Variants in SLC22A24 observed in about 807,000 individuals in gnomAD.
The protein encoded by SLC22A24 is steroid transmembrane transporter SLC22A24.
In SLC22A24, 53 loss-of-function variants were observed where a neutral mutation model predicts 49.8. That is an observed-to-expected ratio of 1.06 (90% CI 0.85 to 1.34). The LOEUF is 1.34. SLC22A24 is among the 40% of genes most tolerant of loss of function. The pLI is 0.00. For synonymous variants in SLC22A24, 302 were observed against 256.4 expected, an observed-to-expected ratio of 1.18 and a Z score of -1.70; for missense variants, 786 against 675.9, an observed-to-expected ratio of 1.16 and a Z score of -1.81.
chr11:63,098,701 A>C (rs1001238988), intron 5 of SLC22A24, among the ~76,000 whole-genome samples: 2 of 152,088 alleles, frequency 1.3e-5, no homozygotes, highest in African/African-American at 4.8e-5. Flanking sequence ...AAATAAAAAA[A>C]CTAAACAATC....
At chr11:63,102,143 C>G (rs1372929543) in intron 5 of SLC22A24, among the ~76,000 whole-genome samples, 1 of 152,048 alleles carries the variant, frequency 6.6e-6, no homozygotes, top group African/African-American at 2.4e-5. Flanking sequence ...ATCATAGATA[C>G]CGCATTTACT....
intron 4 of SLC22A24, among the ~76,000 whole-genome samples, chr11:63,113,041 T>TATATATACAC: frequency 1.4e-4 from 1 of 7,386 alleles, no homozygotes; most frequent in African/African-American, 2.0e-4. Flanking sequence ...AAAAAATATA[T>TATATATACAC]ATATATATAT....
At chr11:63,080,692 C>T (rs1590725180) in intron 9 of SLC22A24, among the ~76,000 whole-genome samples, 1 of 152,136 alleles carries the variant, frequency 6.6e-6, no homozygotes, top group African/African-American at 2.4e-5. Flanking sequence ...ACCACTGAAC[C>T]TTCTGGTGTG....
intron 1 of SLC22A24, among the ~76,000 whole-genome samples, chr11:63,142,828 C>A (rs1373564998): frequency 6.6e-6 from 1 of 152,068 alleles, no homozygotes; most frequent in Non-Finnish European, 1.5e-5. Flanking sequence ...TGGCTGCCCC[C>A]CAACCACCAA....
chr11:63,117,286 G>T (rs181209733), intron 4 of SLC22A24, among the ~76,000 whole-genome samples: 1 of 152,204 alleles, frequency 6.6e-6, no homozygotes, highest in Non-Finnish European at 1.5e-5. Context: ...TTTTGTTAAC[G>T]AATTCTGTAA....
At chr11:63,118,758 T>G (rs2087229323) in intron 4 of SLC22A24, 154 bp downstream of exon 4, 1 of 756,786 alleles carries the variant, frequency 1.3e-6, no homozygotes, top group African/African-American at 1.7e-5. Flanking sequence ...GTCATCCTAT[T>G]CCATTGTTTG....
At chr11:63,099,249 G>A (rs2087075086) in intron 5 of SLC22A24, among the ~76,000 whole-genome samples, 2 of 151,844 alleles carry the variant, frequency 1.3e-5, no homozygotes, top group African/African-American at 4.8e-5. Flanking sequence ...CCAGGCTGGA[G>A]TGCAGTGATG....
At chr11:63,134,595 A>G in intron 2 of SLC22A24, 70 bp downstream of exon 2, 1 of 920,060 alleles carries the variant, frequency 1.1e-6, no homozygotes, top group Non-Finnish European at 1.7e-6. Flanking sequence ...AGCTCAGTAA[A>G]TATTTCTAAA....
intron 2 of SLC22A24, among the ~76,000 whole-genome samples, chr11:63,125,609 G>A (rs4594008): frequency 0.8 from 121,176 of 152,124 alleles, 49,315 homozygotes; most frequent in East Asian, 0.9. Flanking sequence ...ATAGTGCCGC[G>A]GTAAACATAC....
intron 6 of SLC22A24, among the ~76,000 whole-genome samples, chr11:63,088,932 A>G (rs1402912960): frequency 1.3e-5 from 2 of 152,164 alleles, no homozygotes; most frequent in East Asian, 3.8e-4. Context: ...CTATGAAAAG[A>G]CACAACCTAC....
chr11:63,119,026 C>T lies in SLC22A24; in HGVS notation c.716G>A (p.Cys239Tyr). ...SRSMTIMVLL[C>Y]SYSVGQMLLG... Reference sequence around the variant, plus strand: ...GAGCATCTGCCCAACACTGTAGGAACATAATAGCACCATTATTGTCATAGA... The same window carrying T: ...GAGCATCTGCCCAACACTGTAGGAATATAATAGCACCATTATTGTCATAGA... Residue 239 changes from cysteine (C) to tyrosine (Y), a missense_variant, in exon 4 of 10, where the codon TGT becomes TAT. Coordinates refer to ENST00000612278, the MANE Select transcript of SLC22A24 (RefSeq NM_001136506.2). 1 of 1,551,640 alleles carries T rather than the reference C, an allele frequency of 6.4e-7. No individual in the cohort carries two copies. Among genetic ancestry groups the T allele is most frequent in the South Asian group, 1.2e-5 (1 of 84,056 alleles).
chr11:63,080,849 G>A lies in SLC22A24; in HGVS notation c.1598+71C>T, dbSNP rs988905975. On this transcript the variant is annotated intron_variant, in intron 9 of 9. Coordinates refer to ENST00000612278, the MANE Select transcript of SLC22A24 (RefSeq NM_001136506.2). Reference sequence around the variant, plus strand: ...GGACAGAGGGCCCCAAATGGTCGTTGACCTTTCTCATTAAACAGCTACAGC... The same window carrying A: ...GGACAGAGGGCCCCAAATGGTCGTTAACCTTTCTCATTAAACAGCTACAGC... 4.2e-5 allele frequency: 57 copies of A among 1,358,388 alleles called. 1 individual carries two copies. The South Asian group carries it at 7.0e-4, about 17-fold the overall frequency. 84.1% of individuals were successfully genotyped at this position (1,358,388 alleles called of 1,614,324 possible).
intron 4 of SLC22A24, among the ~76,000 whole-genome samples, chr11:63,110,165 C>T (rs1314350562): frequency 8.7e-5 from 13 of 150,194 alleles, no homozygotes; most frequent in African/African-American, 2.9e-4. Context: ...TGTAGATATG[C>T]GGCGTTATTT....
chr11:63,092,596 G>C (rs1333075243), intron 6 of SLC22A24, among the ~76,000 whole-genome samples: 2 of 137,098 alleles, frequency 1.5e-5, no homozygotes, highest in Non-Finnish European at 1.6e-5. Flanking sequence ...ATGGGGAAAA[G>C]ATTCCCTATT....
intron 5 of SLC22A24, among the ~76,000 whole-genome samples, chr11:63,096,843 G>T (rs2087057709): frequency 6.6e-6 from 1 of 152,016 alleles, no homozygotes. Flanking sequence ...TGGAATTTCA[G>T]CCCTGCCATT....
intron 4 of SLC22A24, among the ~76,000 whole-genome samples, chr11:63,111,354 C>G (rs1169059910): frequency 6.6e-6 from 1 of 151,974 alleles, no homozygotes; most frequent in Non-Finnish European, 1.5e-5. Flanking sequence ...CAGGATGATG[C>G]TGGCTTCATA....
intron 2 of SLC22A24, among the ~76,000 whole-genome samples, chr11:63,132,677 T>C (rs2087345259): frequency 1.3e-5 from 2 of 152,138 alleles, no homozygotes; most frequent in Non-Finnish European, 2.9e-5. Context: ...TCTGGAAGCT[T>C]CTTCCCAGAG....
chr11:63,118,953 C>G lies in SLC22A24; in HGVS notation c.789G>C (p.Leu263=). ...FAIQDWHILQ[L]TVSTPIIVLF... is the part of the protein sequence containing the mutation. ...GGACAATTATGGGTGTAGACACAGT[C>G]AGTTGCAATATGTGCCAGTCCTGAA... Residue 263 remains leucine, a synonymous_variant, in exon 4 of 10, where the codon CTG becomes CTC. Transcript: ENST00000612278. 6.4e-7 allele frequency: 1 copy of G among 1,552,022 alleles called. No individual in the cohort carries two copies. Among genetic ancestry groups the G allele is most frequent in the Non-Finnish European group, 8.7e-7 (1 of 1,147,048 alleles).
intron 6 of SLC22A24, among the ~76,000 whole-genome samples, chr11:63,088,894 AT>A (rs753328420): frequency 9.9e-5 from 15 of 152,138 alleles, no homozygotes; most frequent in Non-Finnish European, 1.8e-4. Context: ...ATGAAAAGGA[AT>A]GAACAAAGCC....
Sources: gnomAD v4.1 joint callset for allele counts (sites outside exome capture counted in the v4.1 genomes callset) on GRCh38, gnomAD v4.1.1 for gene constraint, MANE v1.5 for transcripts, NCBI Gene and HGNC (gene_info 2026-07-23, HGNC 2026-07-21) for gene names.